Variants in ATRNL1 observed in about 807,000 individuals in gnomAD.
The protein encoded by ATRNL1 is attractin like 1.
Under a neutral mutation model 182.7 loss-of-function variants are expected in ATRNL1, and 95 were observed. The ratio of observed to expected loss-of-function variants is 0.52; its 90% CI spans 0.44 to 0.62. ATRNL1 has a LOEUF of 0.62. Among genes scored for constraint, ATRNL1 ranks in the 20% least tolerant of loss-of-function variants. The pLI is 0.00. For synonymous variants in ATRNL1, 576 were observed against 568.3 expected, an observed-to-expected ratio of 1.01 and a Z score of -0.19; for missense variants, 1,471 against 1,679.5, an observed-to-expected ratio of 0.88 and a Z score of 2.17.
chr10:115,097,918 C>T (rs1167520922), intron 1 of ATRNL1, among the ~76,000 whole-genome samples: 3 of 151,956 alleles, frequency 2.0e-5, no homozygotes, highest in Non-Finnish European at 1.5e-5. Flanking sequence ...AGCGAGACTC[C>T]GTCTCAAAAC....
chr10:115,807,269 C>A (rs1949942923), intron 27 of ATRNL1, among the ~76,000 whole-genome samples: 1 of 152,068 alleles, frequency 6.6e-6, no homozygotes, highest in Admixed American at 6.6e-5. Context: ...GCGTGTGTCA[C>A]CACACCTGGC....
chr10:115,265,472 G>A (rs1181221130), intron 11 of ATRNL1, among the ~76,000 whole-genome samples, 195 bp downstream of exon 11: 1 of 151,516 alleles, frequency 6.6e-6, no homozygotes, highest in Non-Finnish European at 1.5e-5. Context: ...ATATTTAAGG[G>A]ACATGGGAGT....
intron 27 of ATRNL1, among the ~76,000 whole-genome samples, chr10:115,749,122 A>T (rs1287728457): frequency 6.6e-6 from 1 of 151,946 alleles, no homozygotes; most frequent in African/African-American, 2.4e-5. Flanking sequence ...TGTATTGCCA[A>T]ACAAACTAGA....
At position 115,281,245 on chromosome 10, in the gene ATRNL1, G is replaced by T. The variant is rs1852346041; in HGVS notation, c.2101-110G>T. On this transcript the variant is annotated intron_variant, in intron 13 of 28. Transcript: ENST00000355044. ...GTCTGATTCAGTTGAATTGTATTTG[G>T]AGTTAGAAATGTTTATTTTAAAGTT... The T allele has an allele frequency of 3.6e-6, 3 of 828,576 alleles. No individual in the cohort carries two copies. The Admixed American group carries it at 1.0e-4, about 28-fold the overall frequency. The allele number at this position is 828,576 out of a possible 1,614,324, so 51.3% of individuals were successfully genotyped here.
At chr10:115,807,627 A>G (rs556686671) in intron 27 of ATRNL1, among the ~76,000 whole-genome samples, 1 of 152,332 alleles carries the variant, frequency 6.6e-6, no homozygotes, top group South Asian at 2.1e-4. Flanking sequence ...GGGTGGCAGG[A>G]TTTTCAGAAT....
rs116572875 is a variant in ATRNL1 at position 115,625,570 on chromosome 10, A to G, written c.3795+76034A>G. Among the ~76,000 whole-genome samples the G allele has an allele frequency of 2.6e-3, 398 of 152,184 alleles. 1 individual carries two copies. Among genetic ancestry groups the G allele is most frequent in the African/African-American group, 9.0e-3 (373 of 41,578 alleles). On this transcript the variant is annotated intron_variant, in intron 26 of 28. Transcript: ENST00000355044. ...AGAAAAAATAGACCATGAATATTCT[A>G]TCTGGAAAGTTTTATCCATAACATT... is the stretch of plus-strand genomic sequence containing the variant.
Position 115,268,360 on chromosome 10 carries a change from T to C in ATRNL1, c.2016T>C (p.Asp672=). 6.2e-7 allele frequency: 1 copy of C among 1,613,646 alleles called. No individual in the cohort carries two copies. Among genetic ancestry groups the C allele is most frequent in the South Asian group, 1.1e-5 (1 of 91,072 alleles). Residue 672 remains aspartate (D), a synonymous_variant, in exon 13 of 29, where the codon GAT becomes GAC. Coordinates refer to ENST00000355044, the MANE Select transcript of ATRNL1 (RefSeq NM_207303.4). ...ASDDRCYRYA[D]CASCTANTNG... ...ATGACAGATGTTACAGATATGCAGATTGTGCCAGCTGTACTGCCAATACAA... is the reference window on the plus strand; with the variant it reads ...ATGACAGATGTTACAGATATGCAGACTGTGCCAGCTGTACTGCCAATACAA...
chr10:115,754,925 G>T (rs1299509416), intron 27 of ATRNL1, among the ~76,000 whole-genome samples: 5 of 152,056 alleles, frequency 3.3e-5, no homozygotes, highest in African/African-American at 1.2e-4. Context: ...TATTCTCTTT[G>T]TAGGAATTGT....
At chr10:115,552,581 C>A (rs1237622784) in intron 26 of ATRNL1, among the ~76,000 whole-genome samples, 1 of 151,266 alleles carries the variant, frequency 6.6e-6, no homozygotes, top group African/African-American at 2.4e-5. Context: ...TGTGTTCATT[C>A]AACTAGATGT....
At chr10:115,574,778 C>G (rs992590893) in intron 26 of ATRNL1, among the ~76,000 whole-genome samples, 1 of 152,186 alleles carries the variant, frequency 6.6e-6, no homozygotes. Flanking sequence ...ATTTCCTACA[C>G]ATAGGGTGCT....
chr10:115,687,679 A>G (rs1227435045), intron 26 of ATRNL1, among the ~76,000 whole-genome samples: 6 of 151,874 alleles, frequency 4.0e-5, no homozygotes, highest in African/African-American at 1.5e-4. Context: ...TTTCCCTTTT[A>G]TTGATATATA....
chr10:115,281,324 T>C lies in ATRNL1; in HGVS notation c.2101-31T>C, dbSNP rs1554916704. ...TTTAAGAATCATTGCTGTACAAAGG[T>C]GAAAAATAACATGCTCTTTTAATTT... On this transcript the variant is annotated intron_variant, in intron 13 of 28. Transcript: ENST00000355044. 3 of 1,596,106 alleles carry C rather than the reference T, an allele frequency of 1.9e-6. No individual in the cohort carries two copies. The Admixed American group carries it at 5.2e-5, about 28-fold the overall frequency.
At chr10:115,717,548 C>T (rs72826814) in intron 26 of ATRNL1, among the ~76,000 whole-genome samples, 248 of 84,240 alleles carry the variant, frequency 2.9e-3, no homozygotes, top group Admixed American at 4.4e-3. Flanking sequence ...CTGAAATGTT[C>T]TTTTTTTTTT....
intron 26 of ATRNL1, among the ~76,000 whole-genome samples, chr10:115,577,929 G>T (rs900309719): frequency 2.7e-5 from 4 of 150,788 alleles, no homozygotes; most frequent in African/African-American, 9.7e-5. Context: ...ATTTCCTTCT[G>T]TACCTGTTTC....
chr10:115,857,603 A>G (rs1951217524), intron 28 of ATRNL1, among the ~76,000 whole-genome samples: 1 of 152,238 alleles, frequency 6.6e-6, no homozygotes. Flanking sequence ...GTAAAATGAC[A>G]TGGTGATGGT....
chr10:115,139,144 T>C (rs1554877390), intron 5 of ATRNL1, among the ~76,000 whole-genome samples: 2 of 152,190 alleles, frequency 1.3e-5, no homozygotes, highest in African/African-American at 2.4e-5. Context: ...TGGATTTCAT[T>C]GTCCATATGA....
At chr10:115,110,260 C>T (rs1315431922) in intron 1 of ATRNL1, among the ~76,000 whole-genome samples, 3 of 152,116 alleles carry the variant, frequency 2.0e-5, no homozygotes, top group East Asian at 1.9e-4. Context: ...TTTTCTTACT[C>T]TAATCACATG....
intron 27 of ATRNL1, among the ~76,000 whole-genome samples, chr10:115,741,584 A>T (rs190259380): frequency 3.9e-5 from 6 of 152,286 alleles, no homozygotes; most frequent in Admixed American, 1.3e-4. Flanking sequence ...TTTTAGAAAG[A>T]TTACACTGGC....
intron 8 of ATRNL1, among the ~76,000 whole-genome samples, chr10:115,195,471 C>T (rs7919056): frequency 0.019 from 2,819 of 152,116 alleles, 102 homozygotes; most frequent in African/African-American, 0.065. Flanking sequence ...AGTCTGCTGC[C>T]AGATATGTCA....
Sources: allele counts gnomAD v4.1 joint callset (sites outside exome capture counted in the v4.1 genomes callset), GRCh38; gene constraint gnomAD v4.1.1; transcripts MANE v1.5; gene names NCBI Gene and HGNC (gene_info 2026-07-23, HGNC 2026-07-21).